TMEM35A: variants seen among roughly 807,000 people sequenced by gnomAD.
TMEM35A encodes nicotinic acetylcholine receptor chaperone.
For missense variants in TMEM35A, 83 were observed against 132.7 expected (o/e 0.63, Z 1.84); for synonymous variants, 50 against 54.7 (o/e 0.91, Z 0.38).
intron 1 of TMEM35A, among the ~76,000 whole-genome samples, chrX:101,084,559 C>G (rs1308933124): frequency 3.6e-5 from 4 of 111,688 alleles, no homozygotes; most frequent in African/African-American, 1.3e-4. Flanking sequence ...TGTAACCCAG[C>G]ACTCATATTA....
chrX:101,089,584 A>G (rs1271388583), intron 1 of TMEM35A, among the ~76,000 whole-genome samples: 1 of 107,794 alleles, frequency 9.3e-6, no homozygotes, highest in Non-Finnish European at 1.9e-5. Context: ...TCTCTAAAAA[A>G]AAAAAAAAAA....
intron 1 of TMEM35A, among the ~76,000 whole-genome samples, chrX:101,082,133 C>CTTTTTTTTTTTTTTTTTTTTTTTTT: frequency 1.5e-4 from 3 of 20,469 alleles, no homozygotes; most frequent in African/African-American, 3.3e-4. Flanking sequence ...TTCTTTCTTT[C>CTTTTTTTTTTTTTTTTTTTTTTTTT]TTTTTTTTTT....
chrX:101,087,501 A>G (rs2089310901), intron 1 of TMEM35A, among the ~76,000 whole-genome samples: 1 of 112,302 alleles, frequency 8.9e-6, no homozygotes, highest in Non-Finnish European at 1.9e-5. Context: ...CGGCATAAAA[A>G]TATACACAGC....
chrX:101,080,917 C>T (rs17003847), intron 1 of TMEM35A, among the ~76,000 whole-genome samples: 25,652 of 109,218 alleles, frequency 0.23, 2,653 homozygotes, highest in African/African-American at 0.37. Flanking sequence ...GTGTTAGGCT[C>T]TGCAGGCAAT....
chrX:101,093,291 TTTATTTATTTATTTGC>T lies in TMEM35A; in HGVS notation c.121-1267_121-1252del, dbSNP rs1288964894. 4.5e-5 allele frequency among the ~76,000 whole-genome samples: 5 copies of T among 111,340 alleles called. No homozygotes were observed. In the East Asian group the frequency reaches 1.1e-3, roughly 25 times the overall value. On this transcript the variant is annotated intron_variant, in intron 1 of 1. Coordinates refer to ENST00000372930, the MANE Select transcript of TMEM35A (RefSeq NM_021637.3). ...GTGAATTTTTAAAAAATTCTTTTTA[TTTATTTATTTATTTGC>T]TTATTTATTTATTTATTTATTTTTG...
intron 1 of TMEM35A, among the ~76,000 whole-genome samples, chrX:101,092,354 G>T (rs1802490223): frequency 1.8e-5 from 2 of 111,668 alleles, no homozygotes; most frequent in Admixed American, 1.9e-4. Flanking sequence ...TGAAAAATAT[G>T]AATGATCTGT....
chrX:101,094,662 C>T lies in TMEM35A; in HGVS notation c.210C>T (p.Ala70=), dbSNP rs2089333500. 1.7e-6 allele frequency: 2 copies of T among 1,211,458 alleles called. No homozygotes were observed. The highest frequency in any genetic ancestry group is 1.7e-5 in the African/African-American group (1 of 57,724). The change falls in exon 2 of 2, where the codon GCC becomes GCT. Residue 70 remains alanine (A), a synonymous_variant. Transcript: ENST00000372930. ...TTCTCCTCCGAAAAAGCATTGGTGC[C>T]CTTGAAGTGGCCTGTGGCATCGTCA... ...NSILLRKSIG[A]LEVACGIVMT...
chrX:101,094,445 G>T, intron 1 of TMEM35A, 128 bp from the exon 2 acceptor site: 1 of 647,600 alleles, frequency 1.5e-6, no homozygotes, highest in Admixed American at 4.0e-5. Context: ...ATTAAGATAA[G>T]AAAAATTATA....
intron 1 of TMEM35A, among the ~76,000 whole-genome samples, chrX:101,084,899 GAA>G (rs1244482548): frequency 3.6e-4 from 39 of 108,731 alleles, no homozygotes; most frequent in African/African-American, 1.3e-3. Context: ...AAAACAAAAA[GAA>G]AAAAAACAAA....
intron 1 of TMEM35A, among the ~76,000 whole-genome samples, chrX:101,089,963 T>C (rs949739890): frequency 7.2e-5 from 8 of 111,386 alleles, no homozygotes; most frequent in African/African-American, 2.3e-4. Flanking sequence ...GTGTGAACAC[T>C]ATTTTAAGTG....
chrX:101,081,133 A>G (rs1184744776), intron 1 of TMEM35A, among the ~76,000 whole-genome samples: 2 of 112,779 alleles, frequency 1.8e-5, no homozygotes, highest in Non-Finnish European at 3.7e-5. Context: ...ACACAGCAAT[A>G]TAGAACCATT....
rs1569496155 is a variant in TMEM35A at position 101,094,977 on chromosome X, T to G, written c.*21T>G. ...CATAGAAAAGTGGAAGTGCAAAGAGTGGACCTTCCAGGCAGTTGCGTCCAT... is the reference window on the plus strand; with the variant it reads ...CATAGAAAAGTGGAAGTGCAAAGAGGGGACCTTCCAGGCAGTTGCGTCCAT... On this transcript the variant is annotated 3_prime_UTR_variant, in exon 2 of 2. Coordinates refer to ENST00000372930, the MANE Select transcript of TMEM35A (RefSeq NM_021637.3). The G allele has an allele frequency of 1.7e-6, 2 of 1,150,271 alleles. No homozygotes were observed. The highest frequency in any genetic ancestry group is 2.3e-6 in the Non-Finnish European group (2 of 871,191). 94.8% of individuals were successfully genotyped at this position (1,150,271 alleles called of 1,213,427 possible).
rs1004577732 is a variant in TMEM35A, at chrX:101,095,219, A to G, written c.*263A>G. On this transcript the variant is annotated 3_prime_UTR_variant, in exon 2 of 2. Coordinates refer to ENST00000372930, the MANE Select transcript of TMEM35A (RefSeq NM_021637.3). Reference sequence around the variant, plus strand: ...ATGTATACGGCTACTATTGAAGTGTAATTGTGAGATGGACTCCAACAAGCA... The same window carrying G: ...ATGTATACGGCTACTATTGAAGTGTGATTGTGAGATGGACTCCAACAAGCA... The G allele has an allele frequency of 9.5e-6, 3 of 316,434 alleles. No homozygotes were observed. The highest frequency in any genetic ancestry group is 8.1e-5 in the African/African-American group (3 of 37,163). 26.1% of individuals were successfully genotyped at this position (316,434 alleles called of 1,213,427 possible).
chrX:101,087,306 G>A (rs1258808273), intron 1 of TMEM35A, among the ~76,000 whole-genome samples: 1 of 111,873 alleles, frequency 8.9e-6, no homozygotes, highest in Non-Finnish European at 1.9e-5. Context: ...AAGATTGATG[G>A]CTTCCTATAA....
At chrX:101,082,133 CTTTTTTTT>C in intron 1 of TMEM35A, among the ~76,000 whole-genome samples, 135 of 20,474 alleles carry the variant, frequency 6.6e-3, no homozygotes, top group African/African-American at 0.018. Flanking sequence ...TTCTTTCTTT[CTTTTTTTT>C]TTTTTTTTTT....
intron 1 of TMEM35A, among the ~76,000 whole-genome samples, chrX:101,090,169 C>CTTTCTTTTTTTTTTTTTT (rs1556381270): frequency 1.0e-5 from 1 of 97,527 alleles, no homozygotes; most frequent in African/African-American, 4.4e-5. Flanking sequence ...TTCTTTCTTT[C>CTTTCTTTTTTTTTTTTTT]TTTTTTTTTT....
In TMEM35A at chrX:101,082,472, G is replaced by C. The variant is rs775966793; in HGVS notation, c.120+3350G>C. ...GGGGAAGGAGTGCCTACCTTAGAAG[G>C]CTGTAAACATTAACTGAGATTATGT... On this transcript the variant is annotated intron_variant, in intron 1 of 1. Transcript: ENST00000372930. Among the ~76,000 whole-genome samples, 3 of 104,970 alleles carry C rather than the reference G, an allele frequency of 2.9e-5. No individual in the cohort carries two copies. In the South Asian group the frequency reaches 1.4e-3, roughly 48 times the overall value. 91.2% of individuals were successfully genotyped at this position (104,970 alleles called of 115,157 possible).
intron 1 of TMEM35A, among the ~76,000 whole-genome samples, chrX:101,089,022 A>G (rs1450252462): frequency 2.7e-5 from 3 of 111,100 alleles, no homozygotes; most frequent in Non-Finnish European, 5.7e-5. Flanking sequence ...TAGGTTAATG[A>G]GAGGAAAGGG....
At chrX:101,093,654 A>G (rs1200418665) in intron 1 of TMEM35A, among the ~76,000 whole-genome samples, 1 of 112,514 alleles carries the variant, frequency 8.9e-6, no homozygotes, top group African/African-American at 3.2e-5. Context: ...ATAATCATAA[A>G]TGCTTTTAAA....
Sources: allele counts gnomAD v4.1 joint callset (sites outside exome capture counted in the v4.1 genomes callset), GRCh38; gene constraint gnomAD v4.1.1; transcripts MANE v1.5; gene names NCBI Gene and HGNC (gene_info 2026-07-23, HGNC 2026-07-21).